WIPI1: variants seen among roughly 807,000 people sequenced by gnomAD.
WIPI1 encodes WD repeat domain, phosphoinositide interacting 1, also known as WD repeat domain phosphoinositide-interacting protein 1.
WIPI1 carries 45 observed loss-of-function variants against 55.3 expected under a neutral mutation model. The observed-to-expected ratio is 0.81, with a 90% CI of 0.64 to 1.04. The LOEUF (loss-of-function observed/expected upper bound fraction) is 1.04, where lower values mean the gene tolerates loss of function less well. WIPI1 is among the 50% of genes least tolerant of loss of function. WIPI1 has a pLI of 0.00. For missense variants in WIPI1, 445 were observed against 559.0 expected (o/e 0.80, Z 2.06); for synonymous variants, 195 against 217.6 (o/e 0.90, Z 0.92).
At chr17:68,422,881 C>T (rs2082899302) in intron 12 of WIPI1, 1 of 152,098 alleles carries the variant, frequency 6.6e-6, no homozygotes, top group South Asian at 2.1e-4. Flanking sequence ...TTCTCATCCT[C>T]CCGAATGTAG....
intron 4 of WIPI1, among the ~76,000 whole-genome samples, chr17:68,441,956 T>G (rs1197754181): frequency 6.6e-6 from 1 of 152,214 alleles, no homozygotes; most frequent in Non-Finnish European, 1.5e-5. Flanking sequence ...GGAGGCATTC[T>G]TTTATCTGAG....
rs2082768139 is a variant in WIPI1 at position 68,421,476 on chromosome 17, C to G, written c.*297G>C. ...CACGGCATATATTTAAAAAGGAGGC[C>G]CCTTTTAATATAAAATTCCGGTTAT... On this transcript the variant is annotated 3_prime_UTR_variant, in exon 13 of 13. Transcript: ENST00000262139. 5 of 388,636 alleles carry G rather than the reference C, an allele frequency of 1.3e-5. No homozygotes were observed. The South Asian group carries it at 2.1e-4, about 16-fold the overall frequency. The allele number at this position is 388,636 out of a possible 1,614,324, so 24.1% of individuals were successfully genotyped here.
intron 5 of WIPI1, 147 bp downstream of exon 5, chr17:68,436,235 T>C (rs1475453849): frequency 1.1e-5 from 8 of 704,440 alleles, no homozygotes; most frequent in Non-Finnish European, 2.0e-5. Context: ...CGAGGGGAAA[T>C]AGTATCACCT....
At chr17:68,435,883 A>G (rs1039724436) in intron 5 of WIPI1, among the ~76,000 whole-genome samples, 171 bp from the exon 6 acceptor site, 15 of 152,186 alleles carry the variant, frequency 9.9e-5, no homozygotes, top group Non-Finnish European at 1.8e-4. Flanking sequence ...CTGGTGAATC[A>G]AGATTTGGCT....
chr17:68,444,020 G>A (rs769284312), intron 4 of WIPI1, among the ~76,000 whole-genome samples: 19 of 152,110 alleles, frequency 1.2e-4, no homozygotes, highest in Non-Finnish European at 2.2e-4. Context: ...CTAGCATATC[G>A]TCGAAGTAGA....
chr17:68,436,505 G>A (rs778052304), intron 4 of WIPI1, 26 bp from the exon 5 acceptor site: 33 of 1,606,090 alleles, frequency 2.1e-5, no homozygotes, highest in African/African-American at 2.7e-5. Flanking sequence ...CAGAACATGA[G>A]AAGCCTGGGG....
intron 1 of WIPI1, among the ~76,000 whole-genome samples, chr17:68,454,200 C>A (rs1041550723): frequency 6.6e-6 from 1 of 152,192 alleles, no homozygotes; most frequent in Non-Finnish European, 1.5e-5. Flanking sequence ...AATCCTCACC[C>A]AGCTCTTTCC....
rs565996061 is a variant in WIPI1, at chr17:68,423,833, C to T, written c.1294-2013G>A. ...CTCCTAGATACTAATATCCACATTACCCCAATTCTGTAACTATAAGAGGTT... is the reference window on the plus strand; with the variant it reads ...CTCCTAGATACTAATATCCACATTATCCCAATTCTGTAACTATAAGAGGTT... On this transcript the variant is annotated intron_variant, in intron 12 of 12. Transcript: ENST00000262139. This position sits in a 1 kb window ranked among gnomAD's most constrained non-coding sequence, Gnocchi z 4.4. Among the ~76,000 whole-genome samples, 3 of 152,320 alleles carry T rather than the reference C, an allele frequency of 2.0e-5. No homozygotes were observed. Among genetic ancestry groups the T allele is most frequent in the Admixed American group, 6.5e-5 (1 of 15,294 alleles).
At chr17:68,445,167 G>C (rs2084235622) in intron 3 of WIPI1, among the ~76,000 whole-genome samples, 1 of 151,996 alleles carries the variant, frequency 6.6e-6, no homozygotes, top group Non-Finnish European at 1.5e-5. Context: ...TGATCTGCCC[G>C]CCTCGGCCTC....
intron 10 of WIPI1, among the ~76,000 whole-genome samples, chr17:68,427,993 T>C (rs1482287390): frequency 2.6e-5 from 4 of 152,000 alleles, no homozygotes; most frequent in Non-Finnish European, 5.9e-5. Flanking sequence ...TGGGCTCAGG[T>C]GATCCCCCCA....
chr17:68,438,836 G>A (rs188021420), intron 4 of WIPI1, among the ~76,000 whole-genome samples: 1 of 152,344 alleles, frequency 6.6e-6, no homozygotes, highest in East Asian at 1.9e-4. Context: ...GTGACCTCAG[G>A]TGATCCATCT....
At chr17:68,446,658 G>A (rs1469641767) in intron 3 of WIPI1, among the ~76,000 whole-genome samples, 1 of 152,168 alleles carries the variant, frequency 6.6e-6, no homozygotes, top group Non-Finnish European at 1.5e-5. Flanking sequence ...AGAACTACGT[G>A]GTTCTATGCT....
intron 3 of WIPI1, among the ~76,000 whole-genome samples, chr17:68,444,867 C>T (rs2084217641): frequency 6.6e-6 from 1 of 151,470 alleles, no homozygotes; most frequent in African/African-American, 2.4e-5. Flanking sequence ...CCATTCCTCC[C>T]TCCCTCTCTT....
At chr17:68,453,514 T>C (rs561955341) in intron 1 of WIPI1, among the ~76,000 whole-genome samples, 7 of 150,504 alleles carry the variant, frequency 4.7e-5, no homozygotes, top group African/African-American at 1.7e-4. Flanking sequence ...AGTCTCGCTC[T>C]GTCACCCGGG....
chr17:68,452,936 T>C lies in WIPI1; in HGVS notation c.137A>G (p.Glu46Gly). The change falls in exon 2 of 13, where the codon GAG becomes GGG. Residue 46 changes from glutamate to glycine, a missense_variant. By Grantham distance (98) the Glu-to-Gly change is moderately conservative. Transcript: ENST00000262139. Reference protein sequence around the residue: ...GYKLFSLSSVEQLDQVHGSNE... With the variant: ...GYKLFSLSSVGQLDQVHGSNE... ...GCTTCCGTGGACTTGATCCAGCTGCTCCACAGAACTCAGAGAAAACAGCTT... is the reference window on the plus strand; with the variant it reads ...GCTTCCGTGGACTTGATCCAGCTGCCCCACAGAACTCAGAGAAAACAGCTT... 6.2e-7 allele frequency: 1 copy of C among 1,614,046 alleles called. No homozygotes were observed.
At chr17:68,425,370 A>AT (rs1199696812) in intron 12 of WIPI1, among the ~76,000 whole-genome samples, 1 of 136,296 alleles carries the variant, frequency 7.3e-6, no homozygotes, top group African/African-American at 2.9e-5. Context: ...CACCCGGCTA[A>AT]TTTTTTCTTT....
In WIPI1 at chr17:68,427,130, C is replaced by T. The variant is rs934977635; in HGVS notation, c.1192+5G>A. 1.6e-5 allele frequency: 26 copies of T among 1,612,378 alleles called. No homozygotes were observed. The highest frequency in any genetic ancestry group is 2.2e-5 in the Non-Finnish European group (26 of 1,178,754). On this transcript the variant is annotated splice_donor_5th_base_variant and intron_variant, in intron 11 of 12. Transcript: ENST00000262139. ...TGCTCCCCTGTTGGCCCCGTGTCCA[C>T]CCACCTGGCACCGTGGAGGCTGAAG...
At chr17:68,432,382 A>G (rs1431206365) in intron 8 of WIPI1, among the ~76,000 whole-genome samples, 2 of 152,230 alleles carry the variant, frequency 1.3e-5, no homozygotes, top group Non-Finnish European at 2.9e-5. Flanking sequence ...AGGGCAAGTC[A>G]GAGAAATCTT....
chr17:68,448,853 A>G (rs1255731271), intron 3 of WIPI1, among the ~76,000 whole-genome samples: 2 of 152,226 alleles, frequency 1.3e-5, no homozygotes, highest in African/African-American at 2.4e-5. Flanking sequence ...AAAGCCTTCA[A>G]TCAGAAAACT....
Sources: gnomAD v4.1 joint callset for allele counts (sites outside exome capture counted in the v4.1 genomes callset) on GRCh38, gnomAD v4.1.1 for gene constraint, Gnocchi (gnomAD v3.1) non-coding constraint, MANE v1.5 for transcripts, NCBI Gene and HGNC (gene_info 2026-07-23, HGNC 2026-07-21) for gene names.